The following MIA2 variants were observed in gnomAD, a reference collection of about 807,000 sequenced individuals.
MIA2 encodes melanoma inhibitory activity protein 2.
A neutral mutation model predicts 167.8 loss-of-function variants in MIA2; 127 were observed. The ratio of observed to expected loss-of-function variants is 0.76; its 90% CI spans 0.66 to 0.88. The LOEUF (loss-of-function observed/expected upper bound fraction) is 0.88. Ranked by LOEUF, MIA2 falls within the 40% of genes least tolerant of loss-of-function variation. The pLI, the probability that MIA2 is intolerant of heterozygous loss-of-function variation, is 0.00. For missense variants in MIA2, 1,690 were observed against 1,624.7 expected (o/e 1.04, Z -0.69); for synonymous variants, 552 against 541.9 (o/e 1.02, Z -0.26).
chr14:39,356,110 A>G (rs2139251895), downstream of MIA2, among the ~76,000 whole-genome samples: 1 of 152,302 alleles, frequency 6.6e-6, no homozygotes, highest in South Asian at 2.1e-4. Flanking sequence ...ATTGATTGGA[A>G]TAGTTTCAGA....
At chr14:39,369,537 G>T (rs774238226) in intron 23 of MIA2, among the ~76,000 whole-genome samples, 6 of 152,146 alleles carry the variant, frequency 3.9e-5, no homozygotes, top group Non-Finnish European at 5.9e-5. Flanking sequence ...CAGATTCTAG[G>T]CTGTGGCTTT....
chr14:39,326,542 T>A (rs1204155483), intron 24 of MIA2, among the ~76,000 whole-genome samples: 1 of 151,700 alleles, frequency 6.6e-6, no homozygotes, highest in Non-Finnish European at 1.5e-5. Flanking sequence ...AAAGGAATCA[T>A]GCTCATTTGG....
chr14:39,282,179 A>G (rs2059049527), intron 9 of MIA2, among the ~76,000 whole-genome samples: 1 of 152,168 alleles, frequency 6.6e-6, no homozygotes, highest in Non-Finnish European at 1.5e-5. Flanking sequence ...GTCTCTCTTC[A>G]GTGAGGATTT....
chr14:39,357,742 G>T (rs1197547403), intron 23 of MIA2, among the ~76,000 whole-genome samples: 2 of 152,194 alleles, frequency 1.3e-5, no homozygotes, highest in East Asian at 3.8e-4. Flanking sequence ...CCGTAGGGCA[G>T]GCCTGGTGGT....
intron 23 of MIA2, among the ~76,000 whole-genome samples, chr14:39,360,121 A>G: frequency 6.6e-6 from 1 of 151,276 alleles, no homozygotes; most frequent in Non-Finnish European, 1.5e-5. Flanking sequence ...GGCCAATGTG[A>G]TGAAACCCTG....
Position 39,315,723 on chromosome 14 carries a change from G to A in MIA2, c.3216+5G>A. The A allele has an allele frequency of 6.5e-7, 1 of 1,539,010 alleles. No individual in the cohort carries two copies. The highest frequency in any genetic ancestry group is 8.9e-7 in the Non-Finnish European group (1 of 1,126,164). On this transcript the variant is annotated splice_donor_5th_base_variant and intron_variant, in intron 21 of 28. Coordinates refer to ENST00000640607, the MANE Select transcript of MIA2 (RefSeq NM_001329214.4). The stretch of plus-strand genomic sequence containing the variant: ...AAAAAAGCACATGATAATTGGGTAA[G>A]TTTAAAATTTCCTTAAGTCTCTTTT...
At chr14:39,384,818 C>T (rs1428312424) in intron 23 of MIA2, among the ~76,000 whole-genome samples, 1 of 152,118 alleles carries the variant, frequency 6.6e-6, no homozygotes, top group Non-Finnish European at 1.5e-5. Flanking sequence ...ATCTTATTTT[C>T]ACTGCTCTAC....
At chr14:39,375,549 TAGTC>T (rs1207232612) in intron 23 of MIA2, among the ~76,000 whole-genome samples, 3 of 151,998 alleles carry the variant, frequency 2.0e-5, no homozygotes, top group Non-Finnish European at 4.4e-5. Context: ...TGCAAAAAAT[TAGTC>T]AGACATCGTG....
chr14:39,267,447 C>G, intron 6 of MIA2: 1 of 1,612,062 alleles, frequency 6.2e-7, no homozygotes, highest in Non-Finnish European at 8.5e-7. Context: ...ACCACGAGAG[C>G]AGCTTTGGCG....
chr14:39,354,906 T>C (rs1448391316), downstream of MIA2, among the ~76,000 whole-genome samples: 1 of 152,126 alleles, frequency 6.6e-6, no homozygotes, highest in African/African-American at 2.4e-5. Context: ...CTCTGTTCTG[T>C]TCCATTGATC....
chr14:39,291,158 T>G (rs760010878), intron 10 of MIA2, 62 bp downstream of exon 10: 1 of 1,406,540 alleles, frequency 7.1e-7, no homozygotes. Flanking sequence ...AACAAAAACT[T>G]TAAAAATGTA....
intron 23 of MIA2, among the ~76,000 whole-genome samples, chr14:39,384,543 C>T (rs368879308): frequency 1.3e-5 from 2 of 151,952 alleles, no homozygotes; most frequent in Admixed American, 6.6e-5. Context: ...TTTATTTAAA[C>T]GTGTACAGCT....
chr14:39,293,509 G>A, intron 11 of MIA2, 128 bp downstream of exon 11: 1 of 616,378 alleles, frequency 1.6e-6, no homozygotes, highest in Non-Finnish European at 2.7e-6. Context: ...GTTGTAGAGA[G>A]CAAAATTTTC....
intron 3 of MIA2, among the ~76,000 whole-genome samples, chr14:39,245,640 G>A (rs764346993): frequency 6.6e-6 from 1 of 152,162 alleles, no homozygotes; most frequent in Non-Finnish European, 1.5e-5. Flanking sequence ...TCACAGTTCT[G>A]AAGGCTGAGA....
chr14:39,271,727 C>G (rs1337540497), intron 6 of MIA2, among the ~76,000 whole-genome samples: 1 of 151,630 alleles, frequency 6.6e-6, no homozygotes, highest in Non-Finnish European at 1.5e-5. Context: ...CCCAGGACTT[C>G]AAGACCAGCC....
intron 13 of MIA2, among the ~76,000 whole-genome samples, chr14:39,298,413 T>TTATATATGTATATATATATATA (rs1555375665): frequency 9.2e-4 from 24 of 26,146 alleles, no homozygotes; most frequent in African/African-American, 3.1e-3. Context: ...TGATTCTGTT[T>TTATATATGTATATATATATATA]TATATATATA....
At chr14:39,327,901 A>G (rs150138886) in intron 25 of MIA2, among the ~76,000 whole-genome samples, 1 of 152,244 alleles carries the variant, frequency 6.6e-6, no homozygotes, top group African/African-American at 2.4e-5. Flanking sequence ...CCAAGTCTTT[A>G]CTATCATGAA....
Position 39,345,892 on chromosome 14 carries a change from C to G in MIA2, c.3656-12C>G, listed in dbSNP as rs372961798. 6.3e-7 allele frequency: 1 copy of G among 1,597,394 alleles called. No homozygotes were observed. Among genetic ancestry groups the G allele is most frequent in the Non-Finnish European group, 8.5e-7 (1 of 1,174,280 alleles). ...TACATTAATGAAGACATTTTAAAAA[C>G]TTATTTTCTAGGACAATCATATCCT... On this transcript the variant is annotated splice_polypyrimidine_tract_variant and intron_variant, in intron 25 of 28. Coordinates refer to ENST00000640607, the MANE Select transcript of MIA2 (RefSeq NM_001329214.4).
At chr14:39,299,703 A>G (rs2062088451) in intron 13 of MIA2, among the ~76,000 whole-genome samples, 161 bp from the exon 14 acceptor site, 1 of 152,206 alleles carries the variant, frequency 6.6e-6, no homozygotes, top group African/African-American at 2.4e-5. Flanking sequence ...GATATAAACT[A>G]GTTGAAGAAT....
Sources: gnomAD v4.1 joint callset for allele counts (sites outside exome capture counted in the v4.1 genomes callset) on GRCh38, gnomAD v4.1.1 for gene constraint, MANE v1.5 for transcripts, NCBI Gene and HGNC (gene_info 2026-07-23, HGNC 2026-07-21) for gene names.